Variants in EFNA5 observed in about 807,000 individuals in gnomAD.
EFNA5 encodes ephrin A5.
A neutral mutation model predicts 22.9 loss-of-function variants in EFNA5; 5 were observed. The observed-to-expected ratio is 0.22, with a 90% CI of 0.11 to 0.46. The LOEUF is 0.46. Ranked by LOEUF, EFNA5 falls within the 20% of genes least tolerant of loss-of-function variation. EFNA5 has a pLI of 0.99. For synonymous variants in EFNA5, 113 were observed against 112.2 expected (o/e 1.01, Z -0.04); for missense variants, 237 against 293.3 (o/e 0.81, Z 1.40).
intron 1 of EFNA5, among the ~76,000 whole-genome samples, chr5:107,639,783 C>T (rs1750463206): frequency 6.6e-6 from 1 of 152,012 alleles, no homozygotes; most frequent in South Asian, 2.1e-4. Flanking sequence ...TATTAAAACA[C>T]ATTTTTTGTT....
At chr5:107,662,790 TA>T (rs5870277) in intron 1 of EFNA5, among the ~76,000 whole-genome samples, 76 of 133,346 alleles carry the variant, frequency 5.7e-4, no homozygotes, top group African/African-American at 8.6e-4. Context: ...CTTGAGTAAT[TA>T]AAAAAAAAAA....
intron 1 of EFNA5, among the ~76,000 whole-genome samples, chr5:107,666,361 A>G (rs1751066712): frequency 6.6e-6 from 1 of 152,172 alleles, no homozygotes; most frequent in Non-Finnish European, 1.5e-5. Context: ...AGCCACATAC[A>G]TTTGACCTGT....
chr5:107,515,633 C>T (rs1747459701), intron 1 of EFNA5, among the ~76,000 whole-genome samples: 1 of 152,152 alleles, frequency 6.6e-6, no homozygotes, highest in Admixed American at 6.5e-5. Context: ...CTGCCTTGGC[C>T]TCCCAAAGTG....
At chr5:107,450,313 T>C (rs1200246068) in intron 1 of EFNA5, among the ~76,000 whole-genome samples, 1 of 152,162 alleles carries the variant, frequency 6.6e-6, no homozygotes, top group African/African-American at 2.4e-5. Context: ...GACAGCAAAA[T>C]CTTCACTTCC....
intron 1 of EFNA5, among the ~76,000 whole-genome samples, chr5:107,596,813 T>C (rs1236543415): frequency 2.0e-5 from 3 of 152,188 alleles, no homozygotes; most frequent in African/African-American, 7.2e-5. Context: ...ATTCTATTTT[T>C]GTCACCACTG....
At chr5:107,620,681 T>C (rs1386358583) in intron 1 of EFNA5, among the ~76,000 whole-genome samples, 2 of 152,192 alleles carry the variant, frequency 1.3e-5, no homozygotes, top group Non-Finnish European at 2.9e-5. Context: ...TTCTTAAGTA[T>C]GAACTAAGTG....
chr5:107,435,919 A>G (rs1749099207), intron 1 of EFNA5, among the ~76,000 whole-genome samples: 1 of 152,212 alleles, frequency 6.6e-6, no homozygotes, highest in Non-Finnish European at 1.5e-5. Flanking sequence ...TGATGATGAT[A>G]AGAAGACATC....
chr5:107,569,166 T>C (rs1748721485), intron 1 of EFNA5, among the ~76,000 whole-genome samples: 1 of 151,870 alleles, frequency 6.6e-6, no homozygotes, highest in Non-Finnish European at 1.5e-5. Flanking sequence ...TTTTGGGGCT[T>C]TCTGTATTGG....
At chr5:107,590,546 G>C (rs757939146) in intron 1 of EFNA5, among the ~76,000 whole-genome samples, 31 of 151,870 alleles carry the variant, frequency 2.0e-4, no homozygotes, top group Non-Finnish European at 4.3e-4. Flanking sequence ...ACACCACTAG[G>C]CTGAGCTATT....
chr5:107,580,721 C>CAAAAAAAAAAAAAA (rs56868732), intron 1 of EFNA5, among the ~76,000 whole-genome samples: 2 of 83,686 alleles, frequency 2.4e-5, no homozygotes, highest in Non-Finnish European at 2.3e-5. Context: ...GACTCCATCT[C>CAAAAAAAAAAAAAA]AAAAAAAAAA....
chr5:107,489,726 TC>T (rs1159206494), intron 1 of EFNA5, among the ~76,000 whole-genome samples: 2 of 151,840 alleles, frequency 1.3e-5, no homozygotes, highest in Non-Finnish European at 2.9e-5. Context: ...GTTTTTCATA[TC>T]ATTTATTTGT....
intron 2 of EFNA5, among the ~76,000 whole-genome samples, chr5:107,405,049 C>T (rs769512068): frequency 5.9e-5 from 9 of 152,208 alleles, no homozygotes; most frequent in Non-Finnish European, 1.0e-4. Flanking sequence ...TAAGTACCCA[C>T]ATGCACTATG....
chr5:107,572,645 G>A (rs1748840624), intron 1 of EFNA5, among the ~76,000 whole-genome samples: 1 of 152,130 alleles, frequency 6.6e-6, no homozygotes, highest in African/African-American at 2.4e-5. Flanking sequence ...CTGCAGCGTA[G>A]GATCAAAATG....
chr5:107,658,687 C>T (rs1750879117), intron 1 of EFNA5, among the ~76,000 whole-genome samples: 1 of 152,122 alleles, frequency 6.6e-6, no homozygotes, highest in Non-Finnish European at 1.5e-5. Flanking sequence ...TTATCTAGAA[C>T]CTTGCTGTGC....
intron 1 of EFNA5, among the ~76,000 whole-genome samples, chr5:107,603,531 C>G (rs1436014651): frequency 5.9e-5 from 9 of 152,218 alleles, no homozygotes. Context: ...TTTAGTCATT[C>G]ACTTCCATAA....
chr5:107,399,322 A>AAGGAAAGGAAAGGAG (rs1748021863), intron 2 of EFNA5, among the ~76,000 whole-genome samples: 1 of 92,110 alleles, frequency 1.1e-5, no homozygotes, highest in Non-Finnish European at 2.3e-5. Flanking sequence ...AGGAAACGGA[A>AAGGAAAGGAAAGGAG]AGGAAAGGAA....
Position 107,381,101 on chromosome 5 carries a change from T to G in EFNA5, c.*154A>C. 5.2e-6 allele frequency: 6 copies of G among 1,149,698 alleles called. No individual in the cohort carries two copies. In the South Asian group the frequency reaches 1.1e-4, roughly 22 times the overall value. The allele number at this position is 1,149,698 out of a possible 1,614,324, so 71.2% of individuals were successfully genotyped here. On this transcript the variant is annotated 3_prime_UTR_variant, in exon 5 of 5. Transcript: ENST00000333274. ...CAAGTTTAGGCCCCCAACCTGAAGTTGTTGCTTAGAATTCAGGCTGAAAGA... is the reference window on the plus strand; with the variant it reads ...CAAGTTTAGGCCCCCAACCTGAAGTGGTTGCTTAGAATTCAGGCTGAAAGA...
At chr5:107,537,099 G>A (rs577068514) in intron 1 of EFNA5, among the ~76,000 whole-genome samples, 8 of 141,324 alleles carry the variant, frequency 5.7e-5, no homozygotes, top group South Asian at 2.2e-4. Flanking sequence ...GCAAGACTCC[G>A]CCTCAAAGAA....
Position 107,396,852 on chromosome 5 carries a change from G to A in EFNA5, c.419-9081C>T, listed in dbSNP as rs116981287. Among the ~76,000 whole-genome samples the A allele has an allele frequency of 3.3e-5, 5 of 152,236 alleles. No individual in the cohort carries two copies. The East Asian group carries it at 7.7e-4, about 24-fold the overall frequency. ...GCTCTTTTTTCAATCCATGTTAAGA[G>A]TGTGAGCAGTGAGCATGCTATTAGG... On this transcript the variant is annotated intron_variant, in intron 2 of 4. Coordinates refer to ENST00000333274, the MANE Select transcript of EFNA5 (RefSeq NM_001962.3).
Sources: allele counts gnomAD v4.1 joint callset (sites outside exome capture counted in the v4.1 genomes callset), GRCh38; gene constraint gnomAD v4.1.1; transcripts MANE v1.5; gene names NCBI Gene and HGNC (gene_info 2026-07-23, HGNC 2026-07-21).